SPIDR: variants seen among roughly 807,000 people sequenced by gnomAD.
SPIDR encodes the protein DNA repair-scaffolding protein.
A neutral mutation model predicts 104.6 loss-of-function variants in SPIDR; 93 were observed. That is an observed-to-expected ratio of 0.89 (90% CI 0.75 to 1.06). The LOEUF (loss-of-function observed/expected upper bound fraction) is 1.06. SPIDR is among the 50% of genes least tolerant of loss of function. The pLI is 0.00. For missense variants in SPIDR, 1,154 were observed against 1,111.2 expected, an observed-to-expected ratio of 1.04 and a Z score of -0.55; for synonymous variants, 431 against 416.9, an observed-to-expected ratio of 1.03 and a Z score of -0.41.
At chr8:47,490,483 A>AT (rs2078496772) in intron 8 of SPIDR, among the ~76,000 whole-genome samples, 1 of 152,234 alleles carries the variant, frequency 6.6e-6, no homozygotes, top group African/African-American at 2.4e-5. Context: ...TGACCCAGCC[A>AT]TCCCATTACT....
chr8:47,449,591 A>C (rs2071323568), intron 8 of SPIDR, among the ~76,000 whole-genome samples: 1 of 152,230 alleles, frequency 6.6e-6, no homozygotes, highest in South Asian at 2.1e-4. Context: ...GGGTGAGATT[A>C]TCTTCTGTTG....
intron 8 of SPIDR, among the ~76,000 whole-genome samples, chr8:47,441,742 CTA>C (rs1409572759): frequency 3.9e-5 from 6 of 152,068 alleles, no homozygotes; most frequent in African/African-American, 1.4e-4. Context: ...AAAAGTTATT[CTA>C]TGTTTTATTC....
At chr8:47,412,472 A>G (rs1477315949) in intron 7 of SPIDR, among the ~76,000 whole-genome samples, 1 of 152,176 alleles carries the variant, frequency 6.6e-6, no homozygotes, top group Non-Finnish European at 1.5e-5. Context: ...CAAGTCCGAT[A>G]AAAAGAATGC....
chr8:47,689,939 T>A (rs1322168330), intron 11 of SPIDR, among the ~76,000 whole-genome samples: 1 of 152,160 alleles, frequency 6.6e-6, no homozygotes, highest in African/African-American at 2.4e-5. Context: ...ACAGTTTCAG[T>A]CTTTGAAACA....
intron 8 of SPIDR, among the ~76,000 whole-genome samples, chr8:47,514,991 T>C (rs1271765577): frequency 6.6e-6 from 1 of 152,206 alleles, no homozygotes; most frequent in African/African-American, 2.4e-5. Flanking sequence ...ATAGAAATTA[T>C]TTTAAACACG....
intron 10 of SPIDR, among the ~76,000 whole-genome samples, chr8:47,627,159 G>A (rs943415336): frequency 4.6e-5 from 7 of 152,260 alleles, no homozygotes; most frequent in Non-Finnish European, 7.4e-5. Flanking sequence ...AACACCGCAT[G>A]TTCTCACTCA....
intron 8 of SPIDR, among the ~76,000 whole-genome samples, chr8:47,539,204 A>T (rs1323604752): frequency 1.3e-5 from 2 of 152,128 alleles, no homozygotes; most frequent in Non-Finnish European, 2.9e-5. Context: ...TGTGATAGAT[A>T]AAGAGACTAG....
intron 8 of SPIDR, among the ~76,000 whole-genome samples, chr8:47,448,007 C>G (rs1213870624): frequency 1.3e-5 from 2 of 152,146 alleles, no homozygotes; most frequent in Non-Finnish European, 2.9e-5. Context: ...ATGTGACTTG[C>G]TTTATTGTGA....
At chr8:47,498,154 A>G (rs2079750401) in intron 8 of SPIDR, among the ~76,000 whole-genome samples, 1 of 152,134 alleles carries the variant, frequency 6.6e-6, no homozygotes, top group East Asian at 1.9e-4. Flanking sequence ...TTCTTATAAG[A>G]CTGGAGGACA....
chr8:47,501,068 A>C (rs1203203415), intron 8 of SPIDR, among the ~76,000 whole-genome samples: 1 of 152,206 alleles, frequency 6.6e-6, no homozygotes, highest in Non-Finnish European at 1.5e-5. Flanking sequence ...GTTTGAAGTC[A>C]GGTAGCGTGA....
intron 10 of SPIDR, among the ~76,000 whole-genome samples, chr8:47,626,387 T>C (rs1444176521): frequency 6.6e-6 from 1 of 152,056 alleles, no homozygotes; most frequent in East Asian, 1.9e-4. Flanking sequence ...AATTAACAAA[T>C]GGGATCTAAT....
chr8:47,600,211 G>T (rs747485351), intron 10 of SPIDR, among the ~76,000 whole-genome samples: 14 of 152,172 alleles, frequency 9.2e-5, no homozygotes, highest in Admixed American at 5.9e-4. Flanking sequence ...TGAAGAAATA[G>T]TACTTAACAA....
chr8:47,732,968 T>C (rs1431686213), intron 19 of SPIDR, among the ~76,000 whole-genome samples: 1 of 152,222 alleles, frequency 6.6e-6, no homozygotes, highest in Non-Finnish European at 1.5e-5. Context: ...TAAAGGAACA[T>C]ATATAGTGAT....
chr8:47,546,943 C>G (rs957434489), intron 8 of SPIDR: 6 of 479,916 alleles, frequency 1.3e-5, no homozygotes, highest in Non-Finnish European at 2.4e-5. Context: ...GGTGGCAAAG[C>G]TGTTCCATTG....
At chr8:47,563,668 G>T (rs190394703) in intron 8 of SPIDR, among the ~76,000 whole-genome samples, 2 of 152,168 alleles carry the variant, frequency 1.3e-5, no homozygotes, top group African/African-American at 2.4e-5. Context: ...GGTCCAGATC[G>T]TTGGCATGCT....
At chr8:47,513,656 GACT>G (rs1398277090) in intron 8 of SPIDR, among the ~76,000 whole-genome samples, 1 of 152,184 alleles carries the variant, frequency 6.6e-6, no homozygotes, top group Non-Finnish European at 1.5e-5. Context: ...GTATACAGTG[GACT>G]GATCCAGCAA....
intron 8 of SPIDR, chr8:47,592,048 G>T: frequency 1.1e-6 from 1 of 932,034 alleles, no homozygotes. Context: ...TTTTTATTCA[G>T]TAATGTTTCT....
intron 7 of SPIDR, among the ~76,000 whole-genome samples, chr8:47,420,055 T>G (rs1233579575): frequency 6.6e-6 from 1 of 152,228 alleles, no homozygotes; most frequent in East Asian, 1.9e-4. Flanking sequence ...AGTTTTGGAA[T>G]AGGTGTGGTG....
intron 8 of SPIDR, among the ~76,000 whole-genome samples, chr8:47,503,815 T>A (rs889772842): frequency 1.3e-5 from 2 of 152,196 alleles, no homozygotes; most frequent in African/African-American, 4.8e-5. Flanking sequence ...CAGGAGCTCT[T>A]TTAGGGCAGG....
Sources: allele counts gnomAD v4.1 joint callset (sites outside exome capture counted in the v4.1 genomes callset), GRCh38; gene constraint gnomAD v4.1.1; transcripts MANE v1.5; gene names NCBI Gene and HGNC (gene_info 2026-07-23, HGNC 2026-07-21).